GSE1: variants seen among roughly 807,000 people sequenced by gnomAD.
GSE1 encodes Gse1 coiled-coil protein, also known as genetic suppressor element 1.
GSE1 carries 32 observed loss-of-function variants against 112.6 expected under a neutral mutation model. The ratio of observed to expected loss-of-function variants is 0.28; its 90% CI spans 0.21 to 0.38. The LOEUF is 0.38. Among genes scored for constraint, GSE1 ranks in the 10% least tolerant of loss-of-function variants. The probability of loss-of-function intolerance (pLI) is 1.00; values close to 1 mark genes in which losing one functional copy is unlikely to be tolerated. For synonymous variants in GSE1, 1,115 were observed against 735.6 expected (o/e 1.52, Z -8.35); for missense variants, 2,348 against 1,699.2 (o/e 1.38, Z -6.71).
At chr16:85,475,918 C>T (rs529896736) in intron 2 of GSE1, among the ~76,000 whole-genome samples, 18 of 151,974 alleles carry the variant, frequency 1.2e-4, no homozygotes, top group African/African-American at 3.9e-4. Context: ...GCCATCGCAG[C>T]GGCCACTTCT....
At chr16:85,192,692 T>G (rs1246927184) in intron 1 of GSE1, among the ~76,000 whole-genome samples, 1 of 152,168 alleles carries the variant, frequency 6.6e-6, no homozygotes. Flanking sequence ...CCTCCTGGCC[T>G]CCTCGCCAGC....
intron 1 of GSE1, among the ~76,000 whole-genome samples, chr16:85,588,099 G>A (rs1186801185): frequency 1.3e-5 from 2 of 152,186 alleles, no homozygotes; most frequent in East Asian, 1.9e-4. Flanking sequence ...CCCTTTGGTG[G>A]TGGGCGACGC....
chr16:85,381,863 C>G (rs571554661), intron 2 of GSE1, among the ~76,000 whole-genome samples: 1 of 152,218 alleles, frequency 6.6e-6, no homozygotes, highest in African/African-American at 2.4e-5. Flanking sequence ...GAGGGGCAGC[C>G]TCTCCCTGTC....
chr16:85,337,495 C>T (rs892823893), intron 1 of GSE1, among the ~76,000 whole-genome samples: 4 of 151,982 alleles, frequency 2.6e-5, no homozygotes, highest in Non-Finnish European at 5.9e-5. Context: ...TTAGTAGAGA[C>T]AGGGTTTCAC....
chr16:85,653,460 AC>A (rs1429735312), intron 3 of GSE1, among the ~76,000 whole-genome samples: 4 of 150,058 alleles, frequency 2.7e-5, no homozygotes, highest in Non-Finnish European at 5.9e-5. Flanking sequence ...CTTGGCAGGG[AC>A]CTCAGCCCGG....
intron 1 of GSE1, among the ~76,000 whole-genome samples, chr16:85,183,811 G>C (rs146713376): frequency 6.6e-6 from 1 of 152,208 alleles, no homozygotes; most frequent in Non-Finnish European, 1.5e-5. Context: ...CAGAGCTGGG[G>C]AGCAGCAGAG....
intron 7 of GSE1, 99 bp downstream of exon 7, chr16:85,656,764 T>A: frequency 7.1e-7 from 1 of 1,418,142 alleles, no homozygotes; most frequent in Non-Finnish European, 9.2e-7. Flanking sequence ...GTGTAAATGT[T>A]CCCCAGCTGA....
rs1437322338 is a variant in GSE1, at chr16:85,201,765, C to G, written c.2283+29958C>G. Among the ~76,000 whole-genome samples, 4 of 152,332 alleles carry G rather than the reference C, an allele frequency of 2.6e-5. No individual in the cohort carries two copies. In the East Asian group the frequency reaches 7.7e-4, roughly 29 times the overall value. On this transcript the variant is annotated intron_variant, in intron 1 of 2. Coordinates refer to the GSE1 transcript ENST00000637419. Reference sequence around the variant, plus strand: ...CCACAGTTCCAGACTTCACTTTTCTCTACGTGTTGGAGATGTGAGACAAAG... The same window carrying G: ...CCACAGTTCCAGACTTCACTTTTCTGTACGTGTTGGAGATGTGAGACAAAG...
chr16:85,253,272 G>A (rs1906713565), intron 1 of GSE1, among the ~76,000 whole-genome samples: 1 of 152,162 alleles, frequency 6.6e-6, no homozygotes, highest in Non-Finnish European at 1.5e-5. Flanking sequence ...CCCCAGTCCT[G>A]CCCTGGAGTC....
At chr16:85,309,607 A>AG (rs1361024241) in intron 1 of GSE1, among the ~76,000 whole-genome samples, 1 of 152,174 alleles carries the variant, frequency 6.6e-6, no homozygotes, top group Admixed American at 6.5e-5. Flanking sequence ...CACGTGGCCC[A>AG]CCCCCCGGAT....
intron 5 of GSE1, among the ~76,000 whole-genome samples, chr16:85,655,224 C>T (rs1387703506): frequency 2.0e-5 from 3 of 152,214 alleles, no homozygotes; most frequent in Non-Finnish European, 4.4e-5. Context: ...TCCTTGGCTC[C>T]TCCCCTTCTC....
chr16:85,647,446 C>A (rs1054443513), intron 2 of GSE1, among the ~76,000 whole-genome samples: 84 of 152,334 alleles, frequency 5.5e-4, no homozygotes, highest in African/African-American at 1.9e-3. Flanking sequence ...ATCTCATTTT[C>A]TGAAATTTAA....
chr16:85,219,432 G>A (rs2075355670), intron 1 of GSE1, among the ~76,000 whole-genome samples: 1 of 152,250 alleles, frequency 6.6e-6, no homozygotes, highest in Non-Finnish European at 1.5e-5. Context: ...GCCCAGGACA[G>A]ACCTACCGCA....
intron 2 of GSE1, among the ~76,000 whole-genome samples, chr16:85,368,668 G>C (rs956745460): frequency 6.6e-6 from 1 of 152,186 alleles, no homozygotes; most frequent in African/African-American, 2.4e-5. Context: ...TTGCATCACT[G>C]TACTCCAGCC....
chr16:85,197,376 AG>A lies in GSE1; in HGVS notation c.2283+25570del, dbSNP rs563054341. On this transcript the variant is annotated intron_variant, in intron 1 of 2. Transcript: ENST00000637419. ...CAGGCAGTTAATTTTAAAGGACTCC[AG>A]CCCTTTCTCTTCCTCGGGGAATTTC... 3.7e-4 allele frequency among the ~76,000 whole-genome samples: 56 copies of A among 152,334 alleles called. No homozygotes were observed. The East Asian group carries it at 4.1e-3, about 11-fold the overall frequency.
chr16:85,420,374 G>A (rs898896377), intron 2 of GSE1, among the ~76,000 whole-genome samples: 4 of 152,146 alleles, frequency 2.6e-5, no homozygotes, highest in African/African-American at 9.7e-5. Flanking sequence ...GTTGATCTAA[G>A]CCACGCAGTT....
Position 85,190,730 on chromosome 16 carries a change from A to G in GSE1, c.2283+18923A>G, listed in dbSNP as rs186737480. ...ATCAGCCAAGACTGTCCCTCTGGCA[A>G]TAGATATCCTGGTATTTTTACATTA... On this transcript the variant is annotated intron_variant, in intron 1 of 2. Coordinates refer to the GSE1 transcript ENST00000637419. Among the ~76,000 whole-genome samples, 17 of 152,340 alleles carry G rather than the reference A, an allele frequency of 1.1e-4. 1 individual carries two copies. In the East Asian group the frequency reaches 2.7e-3, roughly 24 times the overall value.
intron 1 of GSE1, among the ~76,000 whole-genome samples, chr16:85,266,041 C>T (rs78263423): frequency 0.016 from 2,361 of 152,236 alleles, 53 homozygotes; most frequent in African/African-American, 0.054. Context: ...CAGGCCGCGG[C>T]GCTGGGCTCT....
chr16:85,295,178 T>C (rs2045332569), intron 1 of GSE1, among the ~76,000 whole-genome samples: 1 of 152,178 alleles, frequency 6.6e-6, no homozygotes, highest in Non-Finnish European at 1.5e-5. Flanking sequence ...CACCCAGCGG[T>C]TACTCCATGC....
Sources: gnomAD v4.1 joint callset for allele counts (sites outside exome capture counted in the v4.1 genomes callset) on GRCh38, gnomAD v4.1.1 for gene constraint, MANE v1.5 for transcripts, NCBI Gene and HGNC (gene_info 2026-07-23, HGNC 2026-07-21) for gene names.